The following LPGAT1 variants were observed in gnomAD, a reference collection of about 807,000 sequenced individuals.
The protein encoded by LPGAT1 is acyl-CoA:lysophosphatidylglycerol acyltransferase 1.
In LPGAT1, 11 loss-of-function variants were observed where a neutral mutation model predicts 47.5. That is an observed-to-expected ratio of 0.23 (90% CI 0.15 to 0.38). The LOEUF is 0.38. LPGAT1 is among the 10% of genes least tolerant of loss of function. The pLI, the probability that LPGAT1 is intolerant of heterozygous loss-of-function variation, is 1.00. For missense variants in LPGAT1, 293 were observed against 439.0 expected (o/e 0.67, Z 2.97); for synonymous variants, 138 against 144.2 (o/e 0.96, Z 0.31).
intron 6 of LPGAT1, among the ~76,000 whole-genome samples, chr1:211,776,180 G>C (rs1222643390): frequency 6.6e-6 from 1 of 151,964 alleles, no homozygotes; most frequent in East Asian, 1.9e-4. Context: ...TCTTAAGTGG[G>C]ATCTAATAAA....
chr1:211,759,625 AC>A (rs1324268774), intron 6 of LPGAT1, among the ~76,000 whole-genome samples: 4 of 152,016 alleles, frequency 2.6e-5, no homozygotes, highest in South Asian at 2.1e-4. Flanking sequence ...TAGCTTTCTT[AC>A]TTTCTATAAT....
intron 6 of LPGAT1, among the ~76,000 whole-genome samples, chr1:211,758,889 G>T (rs1162932556): frequency 6.6e-6 from 1 of 151,936 alleles, no homozygotes; most frequent in East Asian, 1.9e-4. Flanking sequence ...TTTCCAATTT[G>T]CTAAGAGTGT....
intron 6 of LPGAT1, among the ~76,000 whole-genome samples, chr1:211,758,830 T>C (rs1159109591): frequency 2.6e-5 from 4 of 152,254 alleles, no homozygotes; most frequent in Non-Finnish European, 5.9e-5. Context: ...TAAAATTTTT[T>C]ATAGATACCA....
chr1:211,783,453 T>C lies in LPGAT1; in HGVS notation c.503A>G (p.Glu168Gly). The change falls in exon 5 of 8, where the codon GAA becomes GGA. Residue 168 changes from glutamate to glycine, a missense_variant. Transcript: ENST00000366997. ...QQLLLLKKHLENNYRSRDRKW... is the reference protein window; with the variant it reads ...QQLLLLKKHLGNNYRSRDRKW... ...TCGATCTCTGCTCCTGTAATTATTT[T>C]CTAAGTGCTTCTTGAGAAGCAGCAG... 6.2e-7 allele frequency: 1 copy of C among 1,614,100 alleles called. No homozygotes were observed.
At chr1:211,792,711 CTTTTTT>C (rs34552405) in intron 3 of LPGAT1, among the ~76,000 whole-genome samples, 1 of 104,602 alleles carries the variant, frequency 9.6e-6, no homozygotes. Flanking sequence ...AATTGATTCC[CTTTTTT>C]TTTTTTTTTT....
chr1:211,786,054 C>T (rs1333198948), intron 4 of LPGAT1, among the ~76,000 whole-genome samples: 1 of 152,144 alleles, frequency 6.6e-6, no homozygotes, highest in African/African-American at 2.4e-5. Flanking sequence ...TTGTTGGTTC[C>T]GCTGCCTTCT....
intron 5 of LPGAT1, 23 bp from the exon 6 acceptor site, chr1:211,779,067 T>C (rs762347695): frequency 6.5e-7 from 1 of 1,548,158 alleles, no homozygotes; most frequent in African/African-American, 1.4e-5. Flanking sequence ...AAAAAAAGAC[T>C]TAAAATTAAA....
At chr1:211,757,449 G>T (rs994499326) in intron 6 of LPGAT1, among the ~76,000 whole-genome samples, 3 of 152,076 alleles carry the variant, frequency 2.0e-5, no homozygotes, top group African/African-American at 7.2e-5. Flanking sequence ...ACATATATTT[G>T]GCATATGATA....
At chr1:211,764,266 T>C (rs987502032) in intron 6 of LPGAT1, among the ~76,000 whole-genome samples, 5 of 152,212 alleles carry the variant, frequency 3.3e-5, no homozygotes, top group African/African-American at 4.8e-5. Flanking sequence ...TATTTTCTCA[T>C]GTGCCTGTTT....
intron 6 of LPGAT1, among the ~76,000 whole-genome samples, chr1:211,776,068 A>C (rs1415962599): frequency 7.1e-6 from 1 of 141,506 alleles, no homozygotes; most frequent in Non-Finnish European, 1.6e-5. Context: ...TTTTTCTTTT[A>C]ATTACAGAAC....
intron 2 of LPGAT1, among the ~76,000 whole-genome samples, chr1:211,798,166 G>A (rs1659423544): frequency 2.6e-5 from 4 of 152,218 alleles, no homozygotes; most frequent in South Asian, 4.1e-4. Flanking sequence ...TATTATGCCC[G>A]CAAGCTGATG....
intron 2 of LPGAT1, among the ~76,000 whole-genome samples, chr1:211,802,336 A>G (rs886897444): frequency 1.3e-5 from 2 of 152,096 alleles, no homozygotes; most frequent in African/African-American, 4.8e-5. Context: ...TCCCCTACAT[A>G]GTCATGTATT....
intron 2 of LPGAT1, among the ~76,000 whole-genome samples, chr1:211,824,397 A>G (rs1660468353): frequency 6.6e-6 from 1 of 152,182 alleles, no homozygotes; most frequent in Non-Finnish European, 1.5e-5. Flanking sequence ...CTGTCTCACA[A>G]AAAAATAAAA....
chr1:211,766,607 A>G (rs1257224941), intron 6 of LPGAT1, among the ~76,000 whole-genome samples: 1 of 152,206 alleles, frequency 6.6e-6, no homozygotes, highest in Non-Finnish European at 1.5e-5. Flanking sequence ...GTGAAAACAA[A>G]AAACACAATA....
chr1:211,791,973 A>C (rs1384796594), intron 3 of LPGAT1: 1 of 149,294 alleles, frequency 6.7e-6, no homozygotes, highest in Non-Finnish European at 1.5e-5. Context: ...CACCTTATTT[A>C]GTTTTCTATG....
chr1:211,825,838 T>C (rs1335779113), intron 2 of LPGAT1, among the ~76,000 whole-genome samples: 3 of 152,114 alleles, frequency 2.0e-5, no homozygotes, highest in Non-Finnish European at 4.4e-5. Context: ...CACACGCCTG[T>C]AGTCCCAGCT....
At chr1:211,826,527 A>G (rs1012769842) in intron 2 of LPGAT1, among the ~76,000 whole-genome samples, 2 of 152,166 alleles carry the variant, frequency 1.3e-5, no homozygotes, top group Admixed American at 6.5e-5. Flanking sequence ...ATTTCATTTT[A>G]ATTAATTTAA....
chr1:211,830,551 C>G lies in LPGAT1; in HGVS notation c.-28+22G>C. 8.5e-7 allele frequency: 1 copy of G among 1,178,332 alleles called. No homozygotes were observed. The highest frequency in any genetic ancestry group is 1.0e-6 in the Non-Finnish European group (1 of 955,212). The allele number at this position is 1,178,332 out of a possible 1,614,324, so 73.0% of individuals were successfully genotyped here. On this transcript the variant is annotated intron_variant, in intron 1 of 7. Transcript: ENST00000366997. The surrounding 1 kb of genome is among the most constrained non-coding windows in gnomAD (Gnocchi z 5.9). ...GGCTCCGCTGCCGCTCTGGGGCCTG[C>G]GACCGCGGAGCCGGAGGTTACCTCG...
chr1:211,807,849 C>A (rs577447000), intron 2 of LPGAT1, among the ~76,000 whole-genome samples: 1 of 152,098 alleles, frequency 6.6e-6, no homozygotes, highest in Admixed American at 6.5e-5. Context: ...TTAGACATGA[C>A]ATGAAAAACA....
Sources: allele counts gnomAD v4.1 joint callset (sites outside exome capture counted in the v4.1 genomes callset), GRCh38; gene constraint gnomAD v4.1.1; non-coding constraint Gnocchi (gnomAD v3.1); transcripts MANE v1.5; gene names NCBI Gene and HGNC (gene_info 2026-07-23, HGNC 2026-07-21).